Variants in MECOM observed in about 807,000 individuals in gnomAD.
The protein encoded by MECOM is MDS1 and EVI1 complex locus.
In MECOM, 13 loss-of-function variants were observed where a neutral mutation model predicts 116.3. The ratio of observed to expected loss-of-function variants is 0.11; its 90% CI spans 0.07 to 0.18. MECOM has a LOEUF of 0.18. Ranked by LOEUF, MECOM falls within the 10% of genes least tolerant of loss-of-function variation. The pLI, the probability that MECOM is intolerant of heterozygous loss-of-function variation, is 1.00. For synonymous variants in MECOM, 528 were observed against 535.2 expected (o/e 0.99, Z 0.19); for missense variants, 1,299 against 1,509.0 (o/e 0.86, Z 2.31).
At chr3:169,289,235 G>A (rs1292383602) in intron 2 of MECOM, among the ~76,000 whole-genome samples, 1 of 152,204 alleles carries the variant, frequency 6.6e-6, no homozygotes, top group Non-Finnish European at 1.5e-5. Flanking sequence ...AGGTAGAGAT[G>A]AGAAAATTAA....
chr3:169,616,089 G>A (rs886869723), intron 1 of MECOM, among the ~76,000 whole-genome samples: 14 of 152,304 alleles, frequency 9.2e-5, no homozygotes, highest in Admixed American at 3.9e-4. Flanking sequence ...GCTCAGCTCT[G>A]TGGCATACTG....
intron 14 of MECOM, 137 bp from the exon 15 acceptor site, chr3:169,090,373 T>C: frequency 2.8e-6 from 2 of 710,232 alleles, no homozygotes; most frequent in Middle Eastern, 3.7e-4. Flanking sequence ...GTTTATGCTC[T>C]ACGTCAACCA....
intron 2 of MECOM, among the ~76,000 whole-genome samples, chr3:169,249,188 G>T (rs994003063): frequency 1.1e-4 from 17 of 152,082 alleles, no homozygotes; most frequent in Non-Finnish European, 1.0e-4. Flanking sequence ...ACGAGTGGGC[G>T]AATGAATGAA....
At chr3:169,481,664 C>CTGTG (rs5854335) in intron 1 of MECOM, among the ~76,000 whole-genome samples, 6,521 of 151,290 alleles carry the variant, frequency 0.043, 213 homozygotes, top group African/African-American at 0.091. Flanking sequence ...AGTGACAAAT[C>CTGTG]TGTGTGTGTG....
At chr3:169,625,735 G>T (rs1771286463) in intron 1 of MECOM, among the ~76,000 whole-genome samples, 1 of 152,198 alleles carries the variant, frequency 6.6e-6, no homozygotes, top group African/African-American at 2.4e-5. Flanking sequence ...GTTAAGGAAG[G>T]ATACACTCAG....
At chr3:169,478,685 T>C (rs151193950) in intron 1 of MECOM, among the ~76,000 whole-genome samples, 223 of 152,328 alleles carry the variant, frequency 1.5e-3, no homozygotes, top group Non-Finnish European at 2.2e-3. Context: ...GGATATTTGA[T>C]AGACTTGAGT....
chr3:169,427,503 T>G (rs549757938), intron 1 of MECOM, among the ~76,000 whole-genome samples: 1 of 152,318 alleles, frequency 6.6e-6, no homozygotes, highest in African/African-American at 2.4e-5. Flanking sequence ...TAAATAATAA[T>G]AGGGCTTTAT....
intron 1 of MECOM, among the ~76,000 whole-genome samples, chr3:169,622,924 A>G (rs1294435925): frequency 6.6e-6 from 1 of 152,218 alleles, no homozygotes; most frequent in Non-Finnish European, 1.5e-5. Flanking sequence ...TTCCCAACTC[A>G]GCTCTGCTTT....
rs1762603583 is a variant in MECOM at position 169,561,305 on chromosome 3, G to A, written c.37+102031C>T. Among the ~76,000 whole-genome samples the A allele has an allele frequency of 2.6e-5, 4 of 152,088 alleles. No homozygotes were observed. In the South Asian group the frequency reaches 8.3e-4, roughly 32 times the overall value. The stretch of plus-strand genomic sequence containing the variant: ...CAACAATGTTCATTGTGACATTATT[G>A]ATAATAGTAAAAAGTTTAAAATGAC... On this transcript the variant is annotated intron_variant, in intron 1 of 16. Transcript: ENST00000651503.
chr3:169,162,465 A>T (rs1184304544), intron 2 of MECOM, among the ~76,000 whole-genome samples: 3 of 152,170 alleles, frequency 2.0e-5, no homozygotes, highest in African/African-American at 4.8e-5. Context: ...AACAGAAGGG[A>T]GATGGATAAA....
chr3:169,633,521 T>A (rs544055753), intron 1 of MECOM, among the ~76,000 whole-genome samples: 2 of 152,258 alleles, frequency 1.3e-5, no homozygotes, highest in South Asian at 4.1e-4. Flanking sequence ...CAAAAGGTTC[T>A]TGGAGGGTGT....
chr3:169,487,831 G>A (rs980100358), intron 1 of MECOM, among the ~76,000 whole-genome samples: 1 of 151,860 alleles, frequency 6.6e-6, no homozygotes, highest in African/African-American at 2.4e-5. Context: ...GGAAGTAAGT[G>A]GATGAAAAAA....
chr3:169,653,825 G>A (rs759919823), intron 1 of MECOM, among the ~76,000 whole-genome samples: 17 of 152,120 alleles, frequency 1.1e-4, no homozygotes, highest in Non-Finnish European at 1.9e-4. Context: ...AGGTTACATG[G>A]CTTGCCTTCA....
At chr3:169,534,295 C>CA (rs1759046544) in intron 1 of MECOM, among the ~76,000 whole-genome samples, 1 of 151,988 alleles carries the variant, frequency 6.6e-6, no homozygotes, top group Non-Finnish European at 1.5e-5. Flanking sequence ...TAGAAGTCAA[C>CA]TTTTCAGACT....
chr3:169,602,280 G>T (rs969240980), intron 1 of MECOM, among the ~76,000 whole-genome samples: 5 of 152,198 alleles, frequency 3.3e-5, no homozygotes, highest in Non-Finnish European at 2.9e-5. Flanking sequence ...CTATTCGTCA[G>T]CTAGCAAATG....
chr3:169,371,626 C>T (rs561566399), intron 2 of MECOM, among the ~76,000 whole-genome samples: 4 of 151,814 alleles, frequency 2.6e-5, no homozygotes, highest in African/African-American at 4.8e-5. Context: ...CAAAACATCA[C>T]GTTGTACACC....
At chr3:169,545,010 A>G (rs1369092578) in intron 1 of MECOM, among the ~76,000 whole-genome samples, 1 of 152,220 alleles carries the variant, frequency 6.6e-6, no homozygotes, top group Non-Finnish European at 1.5e-5. Context: ...CACGTTCTGC[A>G]CATGTATCCT....
At chr3:169,618,076 T>C (rs545350799) in intron 1 of MECOM, among the ~76,000 whole-genome samples, 1 of 152,194 alleles carries the variant, frequency 6.6e-6, no homozygotes, top group Non-Finnish European at 1.5e-5. Flanking sequence ...TGTCTTCCCT[T>C]TCAGTGCCAT....
At chr3:169,536,064 C>T (rs1759310747) in intron 1 of MECOM, among the ~76,000 whole-genome samples, 1 of 152,160 alleles carries the variant, frequency 6.6e-6, no homozygotes, top group African/African-American at 2.4e-5. Context: ...TTTAGAATCA[C>T]CCACCTTCTG....
Sources: allele counts gnomAD v4.1 joint callset (sites outside exome capture counted in the v4.1 genomes callset), GRCh38; gene constraint gnomAD v4.1.1; transcripts MANE v1.5; gene names NCBI Gene and HGNC (gene_info 2026-07-23, HGNC 2026-07-21).